RTTN: variants seen among roughly 807,000 people sequenced by gnomAD.
RTTN encodes the protein rotatin.
Under a neutral mutation model 269.2 loss-of-function variants are expected in RTTN, and 182 were observed. The ratio of observed to expected loss-of-function variants is 0.68; its 90% CI spans 0.60 to 0.76. The LOEUF is 0.76. RTTN is among the 30% of genes least tolerant of loss of function. The probability of loss-of-function intolerance (pLI) is 0.00; values close to 1 mark genes in which losing one functional copy is unlikely to be tolerated. For synonymous variants in RTTN, 1,006 were observed against 963.5 expected (o/e 1.04, Z -0.82); for missense variants, 2,545 against 2,608.6 (o/e 0.98, Z 0.53).
At chr18:70,204,360 T>C (rs533700412) in intron 2 of RTTN, 97 bp from the exon 3 acceptor site, 963 of 1,226,234 alleles carry the variant, frequency 7.9e-4, no homozygotes, top group Non-Finnish European at 9.7e-4. Context: ...ATATCAGATG[T>C]TCCTTTTCTG....
At chr18:70,085,342 C>T (rs144070101) in intron 32 of RTTN, among the ~76,000 whole-genome samples, 1 of 152,064 alleles carries the variant, frequency 6.6e-6, no homozygotes, top group African/African-American at 2.4e-5. Flanking sequence ...GTAGGGTTAC[C>T]CTGGGTTTGT....
chr18:70,093,698 G>C (rs1405780379), intron 28 of RTTN, among the ~76,000 whole-genome samples: 2 of 152,116 alleles, frequency 1.3e-5, no homozygotes, highest in Non-Finnish European at 2.9e-5. Context: ...GCTGGATTCG[G>C]TTTGCCAGTC....
chr18:70,203,204 C>CTT (rs779044111), intron 3 of RTTN, among the ~76,000 whole-genome samples: 1 of 145,640 alleles, frequency 6.9e-6, no homozygotes, highest in African/African-American at 2.5e-5. Context: ...AGAAAGTGTT[C>CTT]TTTTTTTTTT....
intron 40 of RTTN, among the ~76,000 whole-genome samples, chr18:70,039,348 A>G (rs1599222557): frequency 6.6e-6 from 1 of 152,042 alleles, no homozygotes; most frequent in Non-Finnish European, 1.5e-5. Flanking sequence ...GACCTCCAAT[A>G]TATCTGGAAA....
chr18:70,152,536 G>A (rs2060566192), intron 14 of RTTN, among the ~76,000 whole-genome samples: 1 of 152,066 alleles, frequency 6.6e-6, no homozygotes, highest in Non-Finnish European at 1.5e-5. Context: ...ATATTTAACA[G>A]TCTACTTAAC....
intron 23 of RTTN, chr18:70,130,016 T>C (rs918175908): frequency 2.6e-5 from 4 of 151,722 alleles, no homozygotes; most frequent in African/African-American, 9.7e-5. Context: ...GACCAACAGG[T>C]ATATGAAAAA....
intron 40 of RTTN, among the ~76,000 whole-genome samples, chr18:70,033,461 T>C (rs1201378323): frequency 6.6e-6 from 1 of 152,242 alleles, no homozygotes; most frequent in Non-Finnish European, 1.5e-5. Context: ...TTAAGCATCC[T>C]GCTCCTGAAT....
At chr18:70,160,738 A>C (rs539877662) in intron 14 of RTTN, among the ~76,000 whole-genome samples, 14 of 152,258 alleles carry the variant, frequency 9.2e-5, no homozygotes, top group African/African-American at 3.4e-4. Flanking sequence ...GTGAAGTTCC[A>C]AGATATAAAA....
chr18:70,122,130 A>G (rs200351485), intron 25 of RTTN, among the ~76,000 whole-genome samples: 2 of 152,082 alleles, frequency 1.3e-5, no homozygotes, highest in African/African-American at 2.4e-5. Context: ...GTGAGGGGGA[A>G]AAAAAGGCCT....
chr18:70,158,965 G>A (rs2145854106), intron 14 of RTTN, among the ~76,000 whole-genome samples: 1 of 152,268 alleles, frequency 6.6e-6, no homozygotes, highest in South Asian at 2.1e-4. Flanking sequence ...GACCTACAGA[G>A]TTTTAGACAA....
chr18:70,190,271 T>A (rs943098470), intron 9 of RTTN, among the ~76,000 whole-genome samples: 1 of 149,446 alleles, frequency 6.7e-6, no homozygotes. Flanking sequence ...AAAAAATAGA[T>A]AAAAATTCTA....
chr18:70,047,948 T>C, intron 40 of RTTN, 23 bp downstream of exon 40: 2 of 1,594,340 alleles, frequency 1.3e-6, no homozygotes, highest in South Asian at 1.1e-5. Flanking sequence ...ATAAAGTTTT[T>C]GAAAAACCAA....
intron 26 of RTTN, among the ~76,000 whole-genome samples, chr18:70,116,833 G>T (rs1331497668): frequency 2.0e-5 from 3 of 151,904 alleles, no homozygotes; most frequent in African/African-American, 7.2e-5. Context: ...AGCCAGCCAA[G>T]GAAAATATAT....
At chr18:70,095,491 CTGGTGG>C (rs2058977516) in intron 28 of RTTN, among the ~76,000 whole-genome samples, 1 of 152,088 alleles carries the variant, frequency 6.6e-6, no homozygotes, top group South Asian at 2.1e-4. Context: ...TAAGGCAGGC[CTGGTGG>C]TGACAAAATC....
chr18:70,046,431 C>G (rs1184080255), intron 40 of RTTN, among the ~76,000 whole-genome samples: 1 of 152,150 alleles, frequency 6.6e-6, no homozygotes, highest in African/African-American at 2.4e-5. Flanking sequence ...CAAGCAGTAC[C>G]GTGCTCCAAC....
At chr18:70,183,616 C>T (rs904698861) in intron 10 of RTTN, among the ~76,000 whole-genome samples, 12 of 152,140 alleles carry the variant, frequency 7.9e-5, no homozygotes, top group African/African-American at 2.9e-4. Flanking sequence ...TTTCTGACAT[C>T]TTGAGCTAAA....
At chr18:70,124,677 A>G (rs1176598481) in intron 25 of RTTN, among the ~76,000 whole-genome samples, 1 of 152,112 alleles carries the variant, frequency 6.6e-6, no homozygotes, top group Non-Finnish European at 1.5e-5. Context: ...AGCAAGAGCT[A>G]GATCAAAAAG....
At chr18:70,144,437 C>A (rs965778706) in intron 18 of RTTN, among the ~76,000 whole-genome samples, 4 of 152,188 alleles carry the variant, frequency 2.6e-5, no homozygotes, top group Non-Finnish European at 5.9e-5. Flanking sequence ...ACCCCCCAGA[C>A]AAGTCCCTTA....
At chr18:70,203,607 T>C (rs1405477922) in intron 3 of RTTN, among the ~76,000 whole-genome samples, 1 of 152,188 alleles carries the variant, frequency 6.6e-6, no homozygotes, top group Non-Finnish European at 1.5e-5. Context: ...TAAATCCATG[T>C]CTCTTTGACT....
Sources: gnomAD v4.1 joint callset for allele counts (sites outside exome capture counted in the v4.1 genomes callset) on GRCh38, gnomAD v4.1.1 for gene constraint, MANE v1.5 for transcripts, NCBI Gene and HGNC (gene_info 2026-07-23, HGNC 2026-07-21) for gene names.